BRD10: variants seen among roughly 807,000 people sequenced by gnomAD.
BRD10 encodes bromodomain containing 10, also known as uncharacterized bromodomain-containing protein 10.
At chr9:5,959,640 A>C in the BRD10 span, among the ~76,000 whole-genome samples, 2 of 152,204 alleles carry the variant, frequency 1.3e-5, no homozygotes, top group Admixed American at 6.5e-5. Flanking sequence ...TTTTCTCCGT[A>C]AGACACATGT....
At chr9:5,979,821 G>C in the BRD10 span, among the ~76,000 whole-genome samples, 1 of 151,882 alleles carries the variant, frequency 6.6e-6, no homozygotes, top group African/African-American at 2.4e-5. Flanking sequence ...TTCCACACCA[G>C]CCTGGGCAAC....
the BRD10 span, among the ~76,000 whole-genome samples, chr9:5,912,840 A>T: frequency 2.0e-5 from 3 of 152,204 alleles, no homozygotes; most frequent in Non-Finnish European, 4.4e-5. Flanking sequence ...CAGGGTAGGG[A>T]CTAGAGTGAC....
the BRD10 span, chr9:5,898,179 G>C: frequency 6.5e-6 from 1 of 152,808 alleles, no homozygotes; most frequent in Non-Finnish European, 1.5e-5. Flanking sequence ...GAGTAGCTGG[G>C]ACCACAGGCA....
At chr9:5,938,308 G>T in the BRD10 span, among the ~76,000 whole-genome samples, 8 of 152,096 alleles carry the variant, frequency 5.3e-5, no homozygotes, top group South Asian at 1.7e-3. Flanking sequence ...CAGGTGTGGT[G>T]GTTTGAGCCT....
chr9:5,965,346 T>A, the BRD10 span, among the ~76,000 whole-genome samples: 1 of 152,132 alleles, frequency 6.6e-6, no homozygotes, highest in Non-Finnish European at 1.5e-5. Flanking sequence ...TAAACAAAAT[T>A]AAGCAGTTTT....
the BRD10 span, among the ~76,000 whole-genome samples, chr9:5,897,922 C>T: frequency 1.3e-5 from 2 of 152,142 alleles, no homozygotes; most frequent in South Asian, 4.1e-4. Flanking sequence ...AAATGAAATT[C>T]ATTTGGTTTA....
At chr9:6,001,637 A>T in the BRD10 span, among the ~76,000 whole-genome samples, 4 of 152,366 alleles carry the variant, frequency 2.6e-5, no homozygotes, top group African/African-American at 9.6e-5. Context: ...ATTATCTAGC[A>T]CATAATAGTT....
chr9:6,002,323 G>A, the BRD10 span, among the ~76,000 whole-genome samples: 1 of 152,016 alleles, frequency 6.6e-6, no homozygotes, highest in Non-Finnish European at 1.5e-5. Context: ...TTTAAAGAAT[G>A]GCTACTATAA....
chr9:5,880,512 TCAAA>T, the BRD10 span, among the ~76,000 whole-genome samples: 10 of 151,664 alleles, frequency 6.6e-5, no homozygotes, highest in South Asian at 2.1e-4. Context: ...AGACTCTGTC[TCAAA>T]CAAACAAACA....
At chr9:5,985,213 A>C in the BRD10 span, among the ~76,000 whole-genome samples, 3 of 152,208 alleles carry the variant, frequency 2.0e-5, no homozygotes, top group Non-Finnish European at 2.9e-5. Flanking sequence ...ATATGGAAAA[A>C]AGTAAAGTTT....
chr9:5,952,000 C>CTTATTTATTTATTTATTTATTTAT, the BRD10 span, among the ~76,000 whole-genome samples: 3 of 127,914 alleles, frequency 2.3e-5, no homozygotes, highest in Non-Finnish European at 3.5e-5. Flanking sequence ...CAGGAAGAGA[C>CTTATTTATTTATTTATTTATTTAT]TTATTTATTT....
the BRD10 span, among the ~76,000 whole-genome samples, chr9:5,912,788 A>T: frequency 6.6e-6 from 1 of 152,164 alleles, no homozygotes; most frequent in East Asian, 1.9e-4. Context: ...GGGAATGGGT[A>T]ATGGCATGGC....
the BRD10 span, chr9:5,920,678 C>T: frequency 3.2e-5 from 52 of 1,613,792 alleles, no homozygotes; most frequent in Admixed American, 3.3e-4. Context: ...AGATACAGAA[C>T]GTGTGGCTCC....
chr9:6,000,328 C>G, the BRD10 span, among the ~76,000 whole-genome samples: 3 of 152,082 alleles, frequency 2.0e-5, no homozygotes, highest in Non-Finnish European at 4.4e-5. Context: ...CTTCTGGTAA[C>G]TTAACATGAA....
chr9:6,003,531 T>C, the BRD10 span, among the ~76,000 whole-genome samples: 8 of 152,198 alleles, frequency 5.3e-5, no homozygotes, highest in African/African-American at 9.6e-5. Flanking sequence ...AGAATAGATA[T>C]GTTATCTAAC....
At chr9:5,964,461 C>G in the BRD10 span, among the ~76,000 whole-genome samples, 1 of 148,586 alleles carries the variant, frequency 6.7e-6, no homozygotes, top group Admixed American at 6.7e-5. Context: ...GTTGGTGGGA[C>G]TGTAAACTAG....
chr9:5,982,055 G>GTGTA, the BRD10 span, among the ~76,000 whole-genome samples: 20 of 150,988 alleles, frequency 1.3e-4, no homozygotes, highest in East Asian at 3.9e-4. Context: ...GTATGTGTGT[G>GTGTA]TATATATATA....
At chr9:5,911,964 C>G in the BRD10 span, among the ~76,000 whole-genome samples, 1 of 152,152 alleles carries the variant, frequency 6.6e-6, no homozygotes, top group African/African-American at 2.4e-5. Context: ...ATTGAATCTG[C>G]AGATTGCTTT....
chr9:6,007,620 C>T, the BRD10 span: 1 of 1,604,250 alleles, frequency 6.2e-7, no homozygotes. Context: ...TCTCTTCCTC[C>T]TGATCGTCCG....
Sources: gnomAD v4.1 joint callset for allele counts (sites outside exome capture counted in the v4.1 genomes callset) on GRCh38, gnomAD v4.1.1 for gene constraint, MANE v1.5 for transcripts, NCBI Gene and HGNC (gene_info 2026-07-23, HGNC 2026-07-21) for gene names.